ZCCHC14: variants seen among roughly 807,000 people sequenced by gnomAD.
The protein encoded by ZCCHC14 is zinc finger CCHC domain-containing protein 14.
In ZCCHC14, 16 loss-of-function variants were observed where a neutral mutation model predicts 85.0. The observed-to-expected ratio is 0.19, with a 90% CI of 0.13 to 0.29. The LOEUF (loss-of-function observed/expected upper bound fraction) is 0.29. Ranked by LOEUF, ZCCHC14 falls within the 10% of genes least tolerant of loss-of-function variation. ZCCHC14 has a pLI of 1.00. For missense variants in ZCCHC14, 1,303 were observed against 1,443.5 expected (o/e 0.90, Z 1.58); for synonymous variants, 775 against 630.7 (o/e 1.23, Z -3.43).
At chr16:87,448,791 C>G (rs1910556962) in intron 2 of ZCCHC14, among the ~76,000 whole-genome samples, 1 of 152,236 alleles carries the variant, frequency 6.6e-6, no homozygotes, top group African/African-American at 2.4e-5. Flanking sequence ...AGATCAGCCT[C>G]TGTTCTCTGA....
At chr16:87,445,259 G>A (rs942284717) in intron 2 of ZCCHC14, among the ~76,000 whole-genome samples, 4 of 152,004 alleles carry the variant, frequency 2.6e-5, no homozygotes, top group Non-Finnish European at 4.4e-5. Flanking sequence ...TAGAAACGGG[G>A]TTTCACCATG....
intron 2 of ZCCHC14, among the ~76,000 whole-genome samples, chr16:87,453,546 T>G (rs1275202840): frequency 6.6e-6 from 1 of 152,184 alleles, no homozygotes; most frequent in African/African-American, 2.4e-5. Context: ...GCTCTGCACG[T>G]GCCCGCCACA....
At chr16:87,423,515 A>C (rs1183777700) in intron 4 of ZCCHC14, among the ~76,000 whole-genome samples, 1 of 152,228 alleles carries the variant, frequency 6.6e-6, no homozygotes, top group Non-Finnish European at 1.5e-5. Context: ...GGGGGACTGA[A>C]AAGTAACAAA....
chr16:87,434,819 G>A (rs1399697673), intron 2 of ZCCHC14, among the ~76,000 whole-genome samples: 1 of 152,024 alleles, frequency 6.6e-6, no homozygotes, highest in African/African-American at 2.4e-5. Context: ...GTGAATCCCT[G>A]TCTCTACTGA....
At chr16:87,485,407 A>C (rs1458513224) in intron 1 of ZCCHC14, among the ~76,000 whole-genome samples, 4 of 152,180 alleles carry the variant, frequency 2.6e-5, no homozygotes, top group Admixed American at 1.3e-4. Context: ...TCTCTCTACA[A>C]TAAAAACATC....
chr16:87,486,241 T>G, intron 1 of ZCCHC14, among the ~76,000 whole-genome samples: 1 of 151,750 alleles, frequency 6.6e-6, no homozygotes, highest in Non-Finnish European at 1.5e-5. Flanking sequence ...CAATCAGAAC[T>G]GCATCCCAGC....
At chr16:87,482,878 C>T (rs143535645) in intron 1 of ZCCHC14, among the ~76,000 whole-genome samples, 5 of 152,026 alleles carry the variant, frequency 3.3e-5, no homozygotes, top group Admixed American at 1.3e-4. Context: ...CCATACCAGG[C>T]GACACTGCAG....
intron 1 of ZCCHC14, among the ~76,000 whole-genome samples, chr16:87,487,369 C>A (rs144536043): frequency 7.2e-5 from 11 of 152,228 alleles, no homozygotes; most frequent in African/African-American, 2.7e-4. Flanking sequence ...GAAACACAAA[C>A]GGCAGGGCCC....
chr16:87,412,012 G>A lies in ZCCHC14; in HGVS notation c.2709C>T (p.His903=), dbSNP rs375074442. 7.2e-5 allele frequency: 116 copies of A among 1,609,438 alleles called. No homozygotes were observed. Among genetic ancestry groups the A allele is most frequent in the Non-Finnish European group, 9.6e-5 (113 of 1,179,832 alleles). Residue 903 remains histidine (H), a synonymous_variant, in exon 12 of 13, where the codon CAC becomes CAT. Transcript: ENST00000671377. The part of the protein sequence containing the change: ...IPASNPNHHH[H]HHHQQPPAPP... ...GTGCCGGGGGCTGCTGATGGTGGTG[G>A]TGGTGGTGGTGGTTCGGATTCGAGG...
chr16:87,428,939 G>GCCTGT (rs1909512086), intron 3 of ZCCHC14, among the ~76,000 whole-genome samples: 1 of 152,212 alleles, frequency 6.6e-6, no homozygotes, highest in African/African-American at 2.4e-5. Flanking sequence ...ACCAGGGTTG[G>GCCTGT]CCTGTCCACG....
At chr16:87,424,579 C>T (rs1014721580) in intron 3 of ZCCHC14, among the ~76,000 whole-genome samples, 10 of 152,318 alleles carry the variant, frequency 6.6e-5, no homozygotes, top group African/African-American at 2.2e-4. Flanking sequence ...CATCTCCCCA[C>T]ATGCACGCTA....
rs561586837 is a variant in ZCCHC14 at position 87,460,052 on chromosome 16, G to A, written c.650C>T (p.Thr217Met). ...ENALHTSAHS[T>M]EESLPKRPLG... ...GGGCCTCTTGGGCAGCGACTCCTCC[G>A]TGGAATGTGCTGATGTGTGCAGGGC... The change falls in exon 2 of 13, where the codon ACG becomes ATG. Residue 217 changes from threonine to methionine, a missense_variant. By Grantham distance (81) the Thr-to-Met change is moderately conservative. This residue lies in a region of ZCCHC14 where 389 missense variants were observed against 397.8 expected (regional missense o/e 0.98). Coordinates refer to ENST00000671377, the MANE Select transcript of ZCCHC14 (RefSeq NM_015144.3). 3.8e-5 allele frequency: 62 copies of A among 1,614,092 alleles called. No individual in the cohort carries two copies. Among genetic ancestry groups the A allele is most frequent in the Middle Eastern group, 1.6e-4 (1 of 6,062 alleles).
intron 1 of ZCCHC14, among the ~76,000 whole-genome samples, chr16:87,475,260 G>A (rs1911951291): frequency 6.6e-6 from 1 of 152,010 alleles, no homozygotes; most frequent in Admixed American, 6.6e-5. Flanking sequence ...TTAAAAAATG[G>A]AAATTCCAGG....
At chr16:87,479,507 T>A (rs1219356915) in intron 1 of ZCCHC14, among the ~76,000 whole-genome samples, 1 of 151,898 alleles carries the variant, frequency 6.6e-6, no homozygotes, top group Non-Finnish European at 1.5e-5. Flanking sequence ...ATTAGACAAA[T>A]GATGCCATAA....
rs117512638 is a variant in ZCCHC14, at chr16:87,475,923, T to G, written c.570+15746A>C. ...AGTTCAGGACACCAAATAAGATAAATTCAATAAACACTTGGACACATCACA... is the reference window on the plus strand; with the variant it reads ...AGTTCAGGACACCAAATAAGATAAAGTCAATAAACACTTGGACACATCACA... On this transcript the variant is annotated intron_variant, in intron 1 of 12. Coordinates refer to ENST00000671377, the MANE Select transcript of ZCCHC14 (RefSeq NM_015144.3). Among the ~76,000 whole-genome samples, 591 of 152,056 alleles carry G rather than the reference T, an allele frequency of 3.9e-3. 3 individuals carry two copies. Among genetic ancestry groups the G allele is most frequent in the Non-Finnish European group, 6.5e-3 (440 of 67,960 alleles).
At chr16:87,410,894 T>C (rs1280596240) in intron 12 of ZCCHC14, among the ~76,000 whole-genome samples, 3 of 152,230 alleles carry the variant, frequency 2.0e-5, no homozygotes, top group Admixed American at 2.0e-4. Flanking sequence ...ATCAAGTGAC[T>C]TTGGCAAGGT....
intron 2 of ZCCHC14, among the ~76,000 whole-genome samples, chr16:87,453,027 G>C (rs1436266965): frequency 6.6e-6 from 1 of 152,256 alleles, no homozygotes; most frequent in Non-Finnish European, 1.5e-5. Context: ...TCCCTTGACA[G>C]AGGAGTGGAC....
chr16:87,418,959 ATTTT>A (rs1017065827), intron 6 of ZCCHC14, 58 bp from the exon 7 acceptor site: 2 of 1,472,826 alleles, frequency 1.4e-6, no homozygotes, highest in African/African-American at 2.8e-5. Flanking sequence ...TATTTGTTTT[ATTTT>A]ATTATTTTTT....
chr16:87,417,302 G>C (rs1477608184), intron 8 of ZCCHC14, among the ~76,000 whole-genome samples, 158 bp downstream of exon 8: 1 of 152,126 alleles, frequency 6.6e-6, no homozygotes, highest in African/African-American at 2.4e-5. Context: ...AGCTGCAGGC[G>C]GCCTCCGCAA....
Sources: gnomAD v4.1 joint callset for allele counts (sites outside exome capture counted in the v4.1 genomes callset) on GRCh38, gnomAD v4.1.1 for gene constraint, gnomAD v4.1.1 regional missense constraint, MANE v1.5 for transcripts, NCBI Gene and HGNC (gene_info 2026-07-23, HGNC 2026-07-21) for gene names.